The following PRKCB variants were observed in gnomAD, a reference collection of about 807,000 sequenced individuals.
The protein encoded by PRKCB is protein kinase C beta, also known as protein kinase C beta type.
PRKCB carries 13 observed loss-of-function variants against 81.5 expected under a neutral mutation model. The observed-to-expected ratio is 0.16, with a 90% CI of 0.10 to 0.25. PRKCB has a LOEUF of 0.25. Among genes scored for constraint, PRKCB ranks in the 10% least tolerant of loss-of-function variants. The pLI, the probability that PRKCB is intolerant of heterozygous loss-of-function variation, is 1.00. For synonymous variants in PRKCB, 335 were observed against 321.4 expected (o/e 1.04, Z -0.45); for missense variants, 509 against 875.7 (o/e 0.58, Z 5.29).
intron 3 of PRKCB, among the ~76,000 whole-genome samples, chr16:24,002,040 A>G (rs574182662): frequency 1.0e-3 from 158 of 152,128 alleles, no homozygotes; most frequent in African/African-American, 3.7e-3. Context: ...GTTTCTCATG[A>G]TTGTGTGGGT....
chr16:23,875,659 CAT>C (rs10578082), intron 2 of PRKCB, among the ~76,000 whole-genome samples: 1,046 of 92,370 alleles, frequency 0.011, 235 homozygotes, highest in East Asian at 0.017. Flanking sequence ...GTATATCACA[CAT>C]ATATATGTAT....
chr16:24,044,055 G>A (rs1413817149), intron 5 of PRKCB, among the ~76,000 whole-genome samples: 3 of 152,098 alleles, frequency 2.0e-5, no homozygotes, highest in South Asian at 2.1e-4. Context: ...CTAGGTAGTT[G>A]TTGAAAGCAT....
Position 24,215,154 on chromosome 16 carries a change from C to A in PRKCB, c.*338C>A. 9.4e-7 allele frequency: 1 copy of A among 1,063,090 alleles called. No homozygotes were observed. The highest frequency in any genetic ancestry group is 3.2e-5 in the South Asian group (1 of 30,972). The allele number at this position is 1,063,090 out of a possible 1,614,324, so 65.9% of individuals were successfully genotyped here. Reference sequence around the variant, plus strand: ...CTTTTTCTGCACTGCCATATTCACCCCCAACCATCCAATCTGTGGATAATT... The same window carrying A: ...CTTTTTCTGCACTGCCATATTCACCACCAACCATCCAATCTGTGGATAATT... On this transcript the variant is annotated 3_prime_UTR_variant, in exon 17 of 17. Transcript: ENST00000643927.
At chr16:24,028,571 G>A (rs1157304943) in intron 3 of PRKCB, among the ~76,000 whole-genome samples, 1 of 152,150 alleles carries the variant, frequency 6.6e-6, no homozygotes, top group Admixed American at 6.6e-5. Flanking sequence ...AGAACATTTA[G>A]AAATGAACCT....
At chr16:24,169,757 G>A (rs569533138) in intron 10 of PRKCB, among the ~76,000 whole-genome samples, 2 of 151,930 alleles carry the variant, frequency 1.3e-5, no homozygotes, top group East Asian at 3.9e-4. Context: ...TAATCTTTTA[G>A]CCTTCTATTT....
chr16:23,999,201 G>T (rs994181447), intron 3 of PRKCB, among the ~76,000 whole-genome samples: 2 of 152,184 alleles, frequency 1.3e-5, no homozygotes, highest in African/African-American at 4.8e-5. Context: ...ATGGAGGGGT[G>T]CCCTCTCCTT....
intron 3 of PRKCB, among the ~76,000 whole-genome samples, chr16:24,015,439 G>A (rs527521696): frequency 1.3e-5 from 2 of 152,288 alleles, no homozygotes; most frequent in South Asian, 2.1e-4. Flanking sequence ...TTGGCTGAGG[G>A]GTCCAAGCTG....
intron 2 of PRKCB, among the ~76,000 whole-genome samples, chr16:23,974,794 G>A (rs1964603342): frequency 6.6e-6 from 1 of 152,180 alleles, no homozygotes. Flanking sequence ...CCAGGCCTCA[G>A]AGAGTACAGG....
At chr16:24,158,403 T>C (rs1169283333) in intron 10 of PRKCB, among the ~76,000 whole-genome samples, 1 of 152,168 alleles carries the variant, frequency 6.6e-6, no homozygotes, top group Non-Finnish European at 1.5e-5. Flanking sequence ...TCATTCCCAT[T>C]GTGTAGACCA....
Position 24,218,972 on chromosome 16 carries a change from G to A in PRKCB, c.*4156G>A, listed in dbSNP as rs1259804536. ...AGCCACCCTGCCTGCTTGTGCCTCG[G>A]TTCTCTCATATGTCATATATAGGAG... On this transcript the variant is annotated 3_prime_UTR_variant, in exon 17 of 17. Transcript: ENST00000643927. 2.0e-6 allele frequency: 2 copies of A among 985,268 alleles called. No homozygotes were observed. Among genetic ancestry groups the A allele is most frequent in the South Asian group, 4.7e-5 (1 of 21,280 alleles). 61.0% of individuals were successfully genotyped at this position (985,268 alleles called of 1,614,324 possible).
chr16:24,161,052 A>AT (rs1375339357), intron 10 of PRKCB, among the ~76,000 whole-genome samples: 1 of 152,194 alleles, frequency 6.6e-6, no homozygotes, highest in African/African-American at 2.4e-5. Context: ...CATGCTGTAA[A>AT]TTTGATGTTT....
At chr16:23,858,357 C>G (rs1031036841) in intron 2 of PRKCB, among the ~76,000 whole-genome samples, 3 of 152,034 alleles carry the variant, frequency 2.0e-5, no homozygotes, top group African/African-American at 7.3e-5. Flanking sequence ...CAGAGGAGCA[C>G]CATGGTGAGG....
intron 2 of PRKCB, among the ~76,000 whole-genome samples, chr16:23,873,359 T>G: frequency 7.1e-6 from 1 of 139,868 alleles, no homozygotes; most frequent in Non-Finnish European, 1.5e-5. Flanking sequence ...GGCGATGGAG[T>G]GAAACTCTGT....
rs146136489 is a variant in PRKCB at position 24,100,863 on chromosome 16, G to A, written c.821+6566G>A. ...AAGGACAGTTTAGTGGTAAGTGGGG[G>A]CTAGGGAATGGGGAATGCTGATTGG... On this transcript the variant is annotated intron_variant, in intron 7 of 16. Coordinates refer to ENST00000643927, the MANE Select transcript of PRKCB (RefSeq NM_002738.7). Among the ~76,000 whole-genome samples, 309 of 152,298 alleles carry A rather than the reference G, an allele frequency of 2.0e-3. 2 individuals carry two copies. The highest frequency in any genetic ancestry group is 0.018 in the South Asian group (86 of 4,824).
At chr16:23,996,840 G>A (rs980262676) in intron 3 of PRKCB, among the ~76,000 whole-genome samples, 1 of 152,068 alleles carries the variant, frequency 6.6e-6, no homozygotes, top group African/African-American at 2.4e-5. Context: ...TTGCCAGCTA[G>A]GTAGCAATAC....
rs1048960530 is a variant in PRKCB at position 23,962,660 on chromosome 16, G to A, written c.206-25848G>A. 3.0e-4 allele frequency among the ~76,000 whole-genome samples: 46 copies of A among 152,204 alleles called. 1 individual carries two copies. The highest frequency in any genetic ancestry group is 2.2e-3 in the Admixed American group (33 of 15,284). ...TCCCCGTAAGGGCAGGGGCACATCT[G>A]TGTAATTCACCATTGTATCTTCAGC... is the stretch of plus-strand genomic sequence containing the variant. On this transcript the variant is annotated intron_variant, in intron 2 of 16. Coordinates refer to ENST00000643927, the MANE Select transcript of PRKCB (RefSeq NM_002738.7).
At position 24,219,606 on chromosome 16, in the gene PRKCB, AAT is replaced by A; in HGVS notation, c.*4792_*4793del. The A allele has an allele frequency of 9.7e-7, 1 of 1,031,650 alleles. No homozygotes were observed. The highest frequency in any genetic ancestry group is 1.2e-6 in the Non-Finnish European group (1 of 859,586). 63.9% of individuals were successfully genotyped at this position (1,031,650 alleles called of 1,614,324 possible). ...TTATTTCTATAACATTAAGCATGGT[AAT>A]AAGTAGCTTCCAATTCAATTCATCC... On this transcript the variant is annotated 3_prime_UTR_variant, in exon 17 of 17. Transcript: ENST00000643927.
chr16:24,116,833 A>G (rs1440544906), intron 8 of PRKCB, among the ~76,000 whole-genome samples: 4 of 152,236 alleles, frequency 2.6e-5, no homozygotes, highest in Admixed American at 6.5e-5. Flanking sequence ...TTTCTTGTAT[A>G]TAACCAAGTC....
intron 16 of PRKCB, among the ~76,000 whole-genome samples, chr16:24,211,135 C>T (rs1457716751): frequency 6.6e-6 from 1 of 152,212 alleles, no homozygotes; most frequent in Non-Finnish European, 1.5e-5. Flanking sequence ...AGAGAGTTCT[C>T]ATTTTCTGAG....
Sources: allele counts gnomAD v4.1 joint callset (sites outside exome capture counted in the v4.1 genomes callset), GRCh38; gene constraint gnomAD v4.1.1; transcripts MANE v1.5; gene names NCBI Gene and HGNC (gene_info 2026-07-23, HGNC 2026-07-21).